ARF4: variants seen among roughly 807,000 people sequenced by gnomAD.
The protein encoded by ARF4 is ARF GTPase 4.
Under a neutral mutation model 24.3 loss-of-function variants are expected in ARF4, and 5 were observed. The observed-to-expected ratio is 0.21, with a 90% CI of 0.11 to 0.43. ARF4 has a LOEUF of 0.43. Ranked by LOEUF, ARF4 falls within the 20% of genes least tolerant of loss-of-function variation. The pLI is 1.00. For missense variants in ARF4, 107 were observed against 213.0 expected (o/e 0.50, Z 3.10); for synonymous variants, 62 against 73.5 (o/e 0.84, Z 0.80).
intron 2 of ARF4, 81 bp from the exon 3 acceptor site, chr3:57,584,088 G>C (rs981429985): frequency 4.5e-5 from 45 of 1,002,170 alleles, no homozygotes; most frequent in Admixed American, 4.3e-4. Flanking sequence ...TCTTAGAATA[G>C]TGTTTTTAAA....
At chr3:57,593,455 T>G (rs1344409353) in intron 1 of ARF4, among the ~76,000 whole-genome samples, 1 of 152,126 alleles carries the variant, frequency 6.6e-6, no homozygotes, top group East Asian at 1.9e-4. Flanking sequence ...GTGACAAATA[T>G]AGGATCCTTT....
chr3:57,594,075 G>T lies in ARF4; in HGVS notation c.67+2999C>A, dbSNP rs182043099. Among the ~76,000 whole-genome samples the T allele has an allele frequency of 4.8e-3, 723 of 152,188 alleles. 5 individuals carry two copies. Among genetic ancestry groups the T allele is most frequent in the Middle Eastern group, 0.01 (3 of 294 alleles). On this transcript the variant is annotated intron_variant, in intron 1 of 5. Transcript: ENST00000303436. The stretch of plus-strand genomic sequence containing the variant: ...GTTCGAGACTAGCCTGGCCAACATG[G>T]TGAAACCCCGTCTCTACTAAAAATA...
chr3:57,577,523 T>C (rs2069921242), intron 3 of ARF4, 136 bp from the exon 4 acceptor site: 3 of 670,476 alleles, frequency 4.5e-6, no homozygotes, highest in Admixed American at 5.3e-5. Flanking sequence ...CTTAAGGCTG[T>C]AATGCTAAAA....
intron 1 of ARF4, among the ~76,000 whole-genome samples, chr3:57,586,034 C>G (rs1264496591): frequency 6.6e-6 from 1 of 152,092 alleles, no homozygotes; most frequent in African/African-American, 2.4e-5. Context: ...GAAAAAAAAT[C>G]CACACTAGAA....
intron 3 of ARF4, among the ~76,000 whole-genome samples, chr3:57,580,082 G>A (rs1264577157): frequency 6.6e-6 from 1 of 152,132 alleles, no homozygotes; most frequent in Non-Finnish European, 1.5e-5. Context: ...TCTAGCCTGG[G>A]TAACAGAGTG....
intron 2 of ARF4, 138 bp from the exon 3 acceptor site, chr3:57,584,145 C>T: frequency 2.8e-6 from 2 of 718,146 alleles, no homozygotes; most frequent in Non-Finnish European, 4.6e-6. Flanking sequence ...TAAACATCAA[C>T]AGAGACAAGG....
At chr3:57,573,126 C>G (rs2069860164) in intron 5 of ARF4, among the ~76,000 whole-genome samples, 1 of 149,870 alleles carries the variant, frequency 6.7e-6, no homozygotes, top group Non-Finnish European at 1.5e-5. Context: ...GGCATGAACC[C>G]AGAAGGCAGA....
At chr3:57,578,886 GA>G (rs2069937432) in intron 3 of ARF4, among the ~76,000 whole-genome samples, 1 of 141,088 alleles carries the variant, frequency 7.1e-6, no homozygotes, top group African/African-American at 2.6e-5. Context: ...TTTTCAGCTA[GA>G]AAAGGGGGGG....
intron 3 of ARF4, among the ~76,000 whole-genome samples, chr3:57,581,582 C>G (rs971194273): frequency 6.6e-6 from 1 of 152,184 alleles, no homozygotes; most frequent in African/African-American, 2.4e-5. Context: ...AGGTGGATCA[C>G]ATGAGGTCAG....
chr3:57,593,921 C>G (rs1256318282), intron 1 of ARF4, among the ~76,000 whole-genome samples: 2 of 150,700 alleles, frequency 1.3e-5, no homozygotes. Context: ...CTCAGCTACT[C>G]AAAAGGAAAA....
At chr3:57,586,675 T>C (rs2070040895) in intron 1 of ARF4, among the ~76,000 whole-genome samples, 1 of 152,160 alleles carries the variant, frequency 6.6e-6, no homozygotes, top group Admixed American at 6.6e-5. Context: ...GTTATACAAG[T>C]GTTTTATTTT....
At position 57,597,100 on chromosome 3, in the gene ARF4, C is replaced by A. The variant is rs1221145627; in HGVS notation, c.41G>T (p.Gly14Val). The A allele has an allele frequency of 6.2e-7, 1 of 1,613,990 alleles. No individual in the cohort carries two copies. ...TISSLFSRLF[G>V]KKQMRILMVG... ...CATCAAAATGCGCATCTGCTTCTTG[C>A]CAAATAGTCGGGAGAAGAGGGAGGA... is the stretch of plus-strand genomic sequence containing the variant. The change falls in exon 1 of 6, where the codon GGC (glycine) becomes GTC (valine). Residue 14 changes from glycine (G) to valine (V), a missense_variant. Gly to Val is a moderately radical substitution (Grantham distance 109, BLOSUM62 -3). Transcript: ENST00000303436.
rs958915291 is a variant in ARF4, at chr3:57,572,486, G to A, written c.457-188C>T. Among the ~76,000 whole-genome samples, 9 of 151,540 alleles carry A rather than the reference G, an allele frequency of 5.9e-5. No individual in the cohort carries two copies. The East Asian group carries it at 7.8e-4, about 13-fold the overall frequency. ...TATAAATCCCAGCACTTTGGGAGGC[G>A]GAGATGGGAGGATCACTTGAGCTTA... On this transcript the variant is annotated intron_variant, in intron 5 of 5. Coordinates refer to ENST00000303436, the MANE Select transcript of ARF4 (RefSeq NM_001660.4).
chr3:57,579,687 C>A (rs1217051183), intron 3 of ARF4, among the ~76,000 whole-genome samples: 2 of 152,132 alleles, frequency 1.3e-5, no homozygotes, highest in Non-Finnish European at 2.9e-5. Flanking sequence ...ATGACAATTT[C>A]CTTTGTTTTA....
Position 57,572,167 on chromosome 3 carries a change from G to C in ARF4, c.*45C>G, listed in dbSNP as rs777306191. On this transcript the variant is annotated 3_prime_UTR_variant, in exon 6 of 6. Transcript: ENST00000303436. ...AACTAATTTTGTTGTAACAAGCCTA[G>C]ACCAATTTTATCAAACATGTCCTTG... 2.7e-6 allele frequency: 4 copies of C among 1,503,848 alleles called. No individual in the cohort carries two copies. Among genetic ancestry groups the C allele is most frequent in the Non-Finnish European group, 3.7e-6 (4 of 1,080,564 alleles). 93.2% of individuals were successfully genotyped at this position (1,503,848 alleles called of 1,614,324 possible).
intron 1 of ARF4, among the ~76,000 whole-genome samples, chr3:57,585,482 T>C (rs544488558): frequency 6.6e-6 from 1 of 152,124 alleles, no homozygotes; most frequent in South Asian, 2.1e-4. Flanking sequence ...GATTAACCTG[T>C]TATAAAAATG....
chr3:57,596,708 G>A (rs1258289290), intron 1 of ARF4: 2 of 240,788 alleles, frequency 8.3e-6, no homozygotes, highest in Non-Finnish European at 1.7e-5. Context: ...TCCACACCCG[G>A]GCAAGAAGGT....
chr3:57,591,084 A>G (rs2070107018), intron 1 of ARF4, among the ~76,000 whole-genome samples: 1 of 152,206 alleles, frequency 6.6e-6, no homozygotes, highest in Non-Finnish European at 1.5e-5. Flanking sequence ...TAAAAACCTG[A>G]GTCTTGCAGA....
Position 57,597,156 on chromosome 3 carries a change from T to C in ARF4, c.-16A>G. 6.2e-7 allele frequency: 1 copy of C among 1,611,248 alleles called. No homozygotes were observed. The highest frequency in any genetic ancestry group is 1.7e-5 in the Admixed American group (1 of 59,978). ...TGAGGCCCATGGCGGTAGTGGCACT[T>C]GTGATGGGCAGAAGCAGAAGGGGTT... On this transcript the variant is annotated 5_prime_UTR_variant, in exon 1 of 6. Transcript: ENST00000303436.
Sources: allele counts gnomAD v4.1 joint callset (sites outside exome capture counted in the v4.1 genomes callset), GRCh38; gene constraint gnomAD v4.1.1; transcripts MANE v1.5; gene names NCBI Gene and HGNC (gene_info 2026-07-23, HGNC 2026-07-21).